Variants in DLGAP1 observed in about 807,000 individuals in gnomAD.
The protein encoded by DLGAP1 is disks large-associated protein 1.
Under a neutral mutation model 90.8 loss-of-function variants are expected in DLGAP1, and 11 were observed. The ratio of observed to expected loss-of-function variants is 0.12; its 90% CI spans 0.08 to 0.20. DLGAP1 has a LOEUF of 0.20. Ranked by LOEUF, DLGAP1 falls within the 10% of genes least tolerant of loss-of-function variation. The probability of loss-of-function intolerance (pLI) is 1.00; values close to 1 mark genes in which losing one functional copy is unlikely to be tolerated. For synonymous variants in DLGAP1, 558 were observed against 540.7 expected, an observed-to-expected ratio of 1.03 and a Z score of -0.44; for missense variants, 1,050 against 1,333.8, an observed-to-expected ratio of 0.79 and a Z score of 3.31.
In DLGAP1 at chr18:4,250,700, A is replaced by C. The variant is rs1000050707; in HGVS notation, c.-266-99413T>G. Among the ~76,000 whole-genome samples, 4 of 152,188 alleles carry C rather than the reference A, an allele frequency of 2.6e-5. No individual in the cohort carries two copies. In the East Asian group the frequency reaches 7.7e-4, roughly 29 times the overall value. On this transcript the variant is annotated intron_variant, in intron 1 of 12. Coordinates refer to ENST00000315677, the MANE Select transcript of DLGAP1 (RefSeq NM_004746.4). ...CTGAGTCTTGGTACCTGTTCTATGC[A>C]TTAACTTTCCACTATGGAGTGAAAA...
chr18:3,696,518 G>C (rs1212912701), intron 7 of DLGAP1, among the ~76,000 whole-genome samples: 1 of 152,136 alleles, frequency 6.6e-6, no homozygotes, highest in African/African-American at 2.4e-5. Context: ...TGCGTATGTT[G>C]AACCAGCCTT....
At chr18:3,513,942 C>T (rs2050683517) in intron 10 of DLGAP1, among the ~76,000 whole-genome samples, 1 of 152,160 alleles carries the variant, frequency 6.6e-6, no homozygotes, top group Non-Finnish European at 1.5e-5. Context: ...CCCAGTGGGT[C>T]TATGGCAAAG....
chr18:3,886,441 A>G (rs1347222386), intron 3 of DLGAP1, among the ~76,000 whole-genome samples: 2 of 152,196 alleles, frequency 1.3e-5, no homozygotes, highest in East Asian at 3.8e-4. Flanking sequence ...ATACTCTTAT[A>G]GTTATTTTTA....
chr18:3,665,432 G>C (rs2059845211), intron 7 of DLGAP1, among the ~76,000 whole-genome samples: 1 of 152,112 alleles, frequency 6.6e-6, no homozygotes, highest in Admixed American at 6.5e-5. Flanking sequence ...TAGCTCTACG[G>C]ATATGGAAAA....
At chr18:4,322,498 A>C (rs2080715845) in intron 1 of DLGAP1, among the ~76,000 whole-genome samples, 1 of 152,184 alleles carries the variant, frequency 6.6e-6, no homozygotes, top group Non-Finnish European at 1.5e-5. Flanking sequence ...AATAAACTAA[A>C]ATGGATTAAA....
chr18:3,595,786 C>T (rs1213133366), intron 7 of DLGAP1, among the ~76,000 whole-genome samples: 1 of 107,404 alleles, frequency 9.3e-6, no homozygotes, highest in Non-Finnish European at 2.0e-5. Flanking sequence ...TCCGTGTACA[C>T]AAGTGACTGC....
intron 7 of DLGAP1, among the ~76,000 whole-genome samples, chr18:3,699,103 G>A (rs1023953326): frequency 2.0e-5 from 3 of 151,888 alleles, no homozygotes; most frequent in African/African-American, 4.8e-5. Flanking sequence ...CCTTTTGCTC[G>A]GAGGAGTTTG....
chr18:4,050,967 A>T (rs1178033345), intron 2 of DLGAP1, among the ~76,000 whole-genome samples: 1 of 152,126 alleles, frequency 6.6e-6, no homozygotes, highest in South Asian at 2.1e-4. Flanking sequence ...TCCTATTATC[A>T]TCTGTTGTCA....
chr18:3,574,144 C>T (rs1176956721), intron 8 of DLGAP1, among the ~76,000 whole-genome samples: 2 of 152,232 alleles, frequency 1.3e-5, no homozygotes, highest in Admixed American at 6.5e-5. Flanking sequence ...ATACTATTCT[C>T]ATTCCTAATA....
chr18:3,980,131 A>G (rs1193299455), intron 3 of DLGAP1, among the ~76,000 whole-genome samples: 8 of 152,170 alleles, frequency 5.3e-5, no homozygotes, highest in Admixed American at 5.2e-4. Flanking sequence ...GCGAGACTTC[A>G]TCTCAAAAAA....
intron 3 of DLGAP1, among the ~76,000 whole-genome samples, chr18:3,911,531 T>C (rs925820822): frequency 6.6e-6 from 1 of 152,214 alleles, no homozygotes; most frequent in Admixed American, 6.5e-5. Context: ...AGGAAGTTGT[T>C]TGCTCATTTT....
At chr18:4,011,608 G>C (rs2074423904) in intron 2 of DLGAP1, among the ~76,000 whole-genome samples, 1 of 152,072 alleles carries the variant, frequency 6.6e-6, no homozygotes, top group South Asian at 2.1e-4. Flanking sequence ...CTTGAGCTCA[G>C]TAGTTCAAGA....
intron 3 of DLGAP1, among the ~76,000 whole-genome samples, chr18:3,894,969 T>C (rs1291457968): frequency 6.6e-6 from 1 of 152,232 alleles, no homozygotes; most frequent in Non-Finnish European, 1.5e-5. Flanking sequence ...AAGGGAACTA[T>C]ACGAAATAGG....
intron 3 of DLGAP1, among the ~76,000 whole-genome samples, chr18:3,973,341 G>C (rs2073496840): frequency 6.8e-6 from 1 of 147,410 alleles, no homozygotes; most frequent in Non-Finnish European, 1.5e-5. Flanking sequence ...CAGGTTGTAA[G>C]ATTTATCTGG....
intron 5 of DLGAP1, among the ~76,000 whole-genome samples, chr18:3,787,425 G>A (rs1235071160): frequency 7.9e-6 from 1 of 126,366 alleles, no homozygotes; most frequent in East Asian, 2.7e-4. Context: ...AAGTTGCAGT[G>A]AGCCAAGATT....
At chr18:3,549,260 G>A (rs752008471) in intron 9 of DLGAP1, among the ~76,000 whole-genome samples, 4 of 151,162 alleles carry the variant, frequency 2.6e-5, no homozygotes, top group Non-Finnish European at 4.4e-5. Flanking sequence ...ATTTTTTAGT[G>A]TCTGTCCTTA....
chr18:4,191,078 A>T (rs1254058715), intron 1 of DLGAP1, among the ~76,000 whole-genome samples: 9 of 152,028 alleles, frequency 5.9e-5, no homozygotes, highest in African/African-American at 9.7e-5. Flanking sequence ...AGTTGCAAAA[A>T]TTTTTTTCAT....
chr18:3,604,552 G>C (rs1312696309), intron 7 of DLGAP1, among the ~76,000 whole-genome samples: 3 of 152,032 alleles, frequency 2.0e-5, no homozygotes, highest in African/African-American at 7.3e-5. Context: ...CCCCATCTCA[G>C]TACACGATCC....
intron 3 of DLGAP1, among the ~76,000 whole-genome samples, chr18:3,909,994 G>A (rs1456224349): frequency 6.6e-6 from 1 of 151,662 alleles, no homozygotes; most frequent in Non-Finnish European, 1.5e-5. Flanking sequence ...ATTTCTTATG[G>A]GTTCAATGAG....
Sources: allele counts gnomAD v4.1 joint callset (sites outside exome capture counted in the v4.1 genomes callset), GRCh38; gene constraint gnomAD v4.1.1; transcripts MANE v1.5; gene names NCBI Gene and HGNC (gene_info 2026-07-23, HGNC 2026-07-21).